PGGHG: variants seen among roughly 807,000 people sequenced by gnomAD.
PGGHG encodes ATH1, acid trehalase-like 1.
A neutral mutation model predicts 74.5 loss-of-function variants in PGGHG; 67 were observed. That is an observed-to-expected ratio of 0.90 (90% CI 0.74 to 1.10). PGGHG has a LOEUF of 1.10. Ranked by LOEUF, PGGHG falls within the 50% of genes least tolerant of loss-of-function variation. The probability of loss-of-function intolerance (pLI) is 0.00; values close to 1 mark genes in which losing one functional copy is unlikely to be tolerated. For synonymous variants in PGGHG, 496 were observed against 419.9 expected, an observed-to-expected ratio of 1.18 and a Z score of -2.21; for missense variants, 1,034 against 981.5, an observed-to-expected ratio of 1.05 and a Z score of -0.72.
At position 289,712 on chromosome 11, in the gene PGGHG, A is replaced by C. The variant is rs948652128; in HGVS notation, c.-13-92A>C. ...CCCAGCTGGTTCCGCAACTCCCCCC[A>C]GTTCTGAGGGAGGCTTCAGGGGATT... On this transcript the variant is annotated intron_variant, in intron 1 of 13. Coordinates refer to ENST00000409548, the MANE Select transcript of PGGHG (RefSeq NM_025092.5). This position sits in a 1 kb window ranked among gnomAD's most constrained non-coding sequence, Gnocchi z 5.6. The C allele has an allele frequency of 7.1e-7, 1 of 1,415,046 alleles. No homozygotes were observed. The allele number at this position is 1,415,046 out of a possible 1,614,324, so 87.7% of individuals were successfully genotyped here.
chr11:290,302 TG>T, intron 2 of PGGHG, 87 bp from the exon 3 acceptor site: 1 of 1,412,670 alleles, frequency 7.1e-7, no homozygotes, highest in South Asian at 1.3e-5. Context: ...CGCCTCATTG[TG>T]GGGAGAGGCA....
In PGGHG at chr11:290,844, G is replaced by C; in HGVS notation, c.637G>C (p.Ala213Pro). Residue 213 changes from alanine to proline, a missense_variant, in exon 4 of 14, where the codon GCC (alanine) becomes CCC (proline). Transcript: ENST00000409548. ...AVGGSQAEAQ[A>P]CLTEALQLQA... ...GGGCGGCAGCCAGGCTGAGGCTCAG[G>C]CCTGCCTCACTGAGGCCCTGCAGCT... 1 of 1,612,074 alleles carries C rather than the reference G, an allele frequency of 6.2e-7. No individual in the cohort carries two copies.
chr11:292,693 C>G lies in PGGHG; in HGVS notation c.1158+16C>G. On this transcript the variant is annotated intron_variant, in intron 6 of 13. Transcript: ENST00000409548. ...TACCACCCAGGTGAGGTGCTGCGTGCCCACCATTCCTGCAAGTGTGGCCAG... is the reference window on the plus strand; with the variant it reads ...TACCACCCAGGTGAGGTGCTGCGTGGCCACCATTCCTGCAAGTGTGGCCAG... 1 of 1,613,524 alleles carries G rather than the reference C, an allele frequency of 6.2e-7. No individual in the cohort carries two copies. The highest frequency in any genetic ancestry group is 8.5e-7 in the Non-Finnish European group (1 of 1,179,834).
At chr11:291,940 C>T (rs374284345) in intron 4 of PGGHG, 36 bp from the exon 5 acceptor site, 276 of 1,567,152 alleles carry the variant, frequency 1.8e-4, no homozygotes, top group Non-Finnish European at 2.3e-4. Flanking sequence ...GCAGTGACGG[C>T]CTGTCCGGCG....
In PGGHG at chr11:292,983, A is replaced by G. The variant is rs1433275444; in HGVS notation, c.1256A>G (p.Lys419Arg). Residue 419 changes from lysine (K) to arginine (R), a missense_variant, in exon 7 of 14, where the codon AAG becomes AGG. Lys to Arg is a conservative substitution (Grantham distance 26). Transcript: ENST00000409548. ...GTTGAGTGGAGCCCCAGGGAGGAAA[A>G]GTACCACCTGAGGGGTGAGGCCATG... ...SRVEWSPREE[K>R]YHLRGVMSPD... 2 of 1,610,194 alleles carry G rather than the reference A, an allele frequency of 1.2e-6. No homozygotes were observed. Among genetic ancestry groups the G allele is most frequent in the East Asian group, 4.5e-5 (2 of 44,866 alleles).
intron 4 of PGGHG, chr11:291,407 G>A (rs1845716583): frequency 7.5e-6 from 3 of 399,276 alleles, no homozygotes; most frequent in Non-Finnish European, 4.5e-6. Context: ...AGACAGTAGT[G>A]TGGCGCTTGG....
rs193253835 is a variant in PGGHG, at chr11:292,638, C to G, written c.1119C>G (p.Ala373=). 1.2e-6 allele frequency: 2 copies of G among 1,613,674 alleles called. No individual in the cohort carries two copies. Among genetic ancestry groups the G allele is most frequent in the Non-Finnish European group, 1.7e-6 (2 of 1,180,010 alleles). The part of the protein sequence containing the change: ...YGVQEVHVNG[A]VVLAFELYYH... ...TCCAGGAGGTCCACGTCAACGGGGC[C>G]GTGGTGTTGGCCTTCGAGCTGTACT... Residue 373 remains alanine (A), a synonymous_variant, in exon 6 of 14, where the codon GCC becomes GCG. Coordinates refer to ENST00000409548, the MANE Select transcript of PGGHG (RefSeq NM_025092.5).
In PGGHG at chr11:292,963, G is replaced by C; in HGVS notation, c.1236G>C (p.Glu412Asp). 6.2e-7 allele frequency: 1 copy of C among 1,613,914 alleles called. No homozygotes were observed. The highest frequency in any genetic ancestry group is 8.5e-7 in the Non-Finnish European group (1 of 1,179,940). ...CCGAGTTTTGGTGCAGTCGTGTTGA[G>C]TGGAGCCCCAGGGAGGAAAAGTACC... ...AVAEFWCSRV[E>D]WSPREEKYHL... Residue 412 changes from glutamate (E) to aspartate (D), a missense_variant, in exon 7 of 14, where the codon GAG becomes GAC. Transcript: ENST00000409548.
Position 293,603 on chromosome 11 carries a change from T to C in PGGHG, c.1490T>C (p.Val497Ala), listed in dbSNP as rs948489150. ...EFDGYEPGEV[V>A]KQADVVLLGY... ...CGGCACCTCCCTGTAGGAGAGGTGG[T>C]GAAGCAGGCAGACGTCGTGCTCCTG... The change falls in exon 10 of 14, where the codon GTG (valine) becomes GCG (alanine). Residue 497 changes from valine (V) to alanine (A), a missense_variant. Val to Ala is a moderately conservative substitution (Grantham distance 64, BLOSUM62 0). Coordinates refer to ENST00000409548, the MANE Select transcript of PGGHG (RefSeq NM_025092.5). The C allele has an allele frequency of 6.2e-7, 1 of 1,613,502 alleles. No individual in the cohort carries two copies. Among genetic ancestry groups the C allele is most frequent in the Non-Finnish European group, 8.5e-7 (1 of 1,179,964 alleles).
chr11:295,669 G>A lies in PGGHG; in HGVS notation c.*920G>A, dbSNP rs1845848583. The A allele has an allele frequency of 6.6e-6, 1 of 152,426 alleles. No homozygotes were observed. The highest frequency in any genetic ancestry group is 2.4e-5 in the African/African-American group (1 of 41,488). The allele number at this position is 152,426 out of a possible 1,614,324, so 9.4% of individuals were successfully genotyped here. On this transcript the variant is annotated 3_prime_UTR_variant, in exon 14 of 14. Coordinates refer to ENST00000409548, the MANE Select transcript of PGGHG (RefSeq NM_025092.5). ...TGAGGAATTAAAGCTTTGGTGCTGG[G>A]GAGAGCATTATTCCTCTGAGGAGCC...
chr11:292,776 C>T (rs1440328328), intron 6 of PGGHG, 99 bp downstream of exon 6: 1 of 1,606,516 alleles, frequency 6.2e-7, no homozygotes, highest in East Asian at 2.2e-5. Flanking sequence ...TCCTGGGAAG[C>T]TGGCTGAGGA....
rs1029181562 is a variant in PGGHG, at chr11:294,811, C to T, written c.*62C>T. On this transcript the variant is annotated 3_prime_UTR_variant, in exon 14 of 14. Coordinates refer to ENST00000409548, the MANE Select transcript of PGGHG (RefSeq NM_025092.5). ...TCCCTCTGGCCACGTCTGCACCCAC[C>T]CCTCCTGGGCACCCTCCTAGCCTGC... 2.1e-5 allele frequency: 31 copies of T among 1,492,564 alleles called. No homozygotes were observed. Among genetic ancestry groups the T allele is most frequent in the Non-Finnish European group, 2.7e-5 (30 of 1,108,650 alleles). The allele number at this position is 1,492,564 out of a possible 1,614,324, so 92.5% of individuals were successfully genotyped here.
rs1423636521 is a variant in PGGHG at position 292,054 on chromosome 11, C to T, written c.985C>T (p.Leu329=). The change falls in exon 5 of 14, where the codon CTG becomes TTG. Residue 329 remains leucine, a synonymous_variant. Coordinates refer to ENST00000409548, the MANE Select transcript of PGGHG (RefSeq NM_025092.5). ...RAILEYRIRT[L]DGALENAQNL... ...CATCCTGGAGTACCGCATCCGCACGCTGGACGGGGCCCTGGAGAACGCCCA... is the reference window on the plus strand; with the variant it reads ...CATCCTGGAGTACCGCATCCGCACGTTGGACGGGGCCCTGGAGAACGCCCA... The T allele has an allele frequency of 1.9e-6, 3 of 1,590,426 alleles. No individual in the cohort carries two copies. Among genetic ancestry groups the T allele is most frequent in the African/African-American group, 1.3e-5 (1 of 74,626 alleles).
Position 294,834 on chromosome 11 carries a change from T to C in PGGHG, c.*85T>C. 1 of 1,412,112 alleles carries C rather than the reference T, an allele frequency of 7.1e-7. No homozygotes were observed. The highest frequency in any genetic ancestry group is 9.5e-7 in the Non-Finnish European group (1 of 1,047,612). The allele number at this position is 1,412,112 out of a possible 1,614,324, so 87.5% of individuals were successfully genotyped here. On this transcript the variant is annotated 3_prime_UTR_variant, in exon 14 of 14. Coordinates refer to ENST00000409548, the MANE Select transcript of PGGHG (RefSeq NM_025092.5). ...ACCCCTCCTGGGCACCCTCCTAGCCTGCCATCCCTCACCTGCAGCCAGGCT... is the reference window on the plus strand; with the variant it reads ...ACCCCTCCTGGGCACCCTCCTAGCCCGCCATCCCTCACCTGCAGCCAGGCT...
At position 293,909 on chromosome 11, in the gene PGGHG, T is replaced by G. The variant is rs1246080975; in HGVS notation, c.1694T>G (p.Met565Arg). 1.2e-6 allele frequency: 2 copies of G among 1,612,762 alleles called. No individual in the cohort carries two copies. Among genetic ancestry groups the G allele is most frequent in the African/African-American group, 2.7e-5 (2 of 74,922 alleles). The change falls in exon 11 of 14, where the codon ATG becomes AGG. Residue 565 changes from methionine (M) to arginine (R), a missense_variant. Physicochemically the swap from Met to Arg is moderately conservative, Grantham distance 91 (BLOSUM62 -1). Coordinates refer to ENST00000409548, the MANE Select transcript of PGGHG (RefSeq NM_025092.5). ...RGLLDRSFAN[M>R]AEPFKVWTEN... Reference sequence around the variant, plus strand: ...CTCCTGGACAGGAGCTTTGCCAACATGGCTGAACCCTTCAAGGTCAGCCTG... The same window carrying G: ...CTCCTGGACAGGAGCTTTGCCAACAGGGCTGAACCCTTCAAGGTCAGCCTG...
At position 290,876 on chromosome 11, in the gene PGGHG, C is replaced by T; in HGVS notation, c.669C>T (p.Ala223=). 6.2e-7 allele frequency: 1 copy of T among 1,611,468 alleles called. No individual in the cohort carries two copies. Among genetic ancestry groups the T allele is most frequent in the Non-Finnish European group, 8.5e-7 (1 of 1,179,168 alleles). The change falls in exon 4 of 14, where the codon GCC becomes GCT. Residue 223 remains alanine (A), a synonymous_variant. Coordinates refer to ENST00000409548, the MANE Select transcript of PGGHG (RefSeq NM_025092.5). ...ACLTEALQLQ[A]RGALYTAHAQ... The stretch of plus-strand genomic sequence containing the variant: ...TCACTGAGGCCCTGCAGCTGCAGGC[C>T]AGGGGAGCTCTGTATACGGCTCACG...
chr11:291,170 G>A (rs1332786157), intron 4 of PGGHG, 57 bp downstream of exon 4: 1 of 1,497,250 alleles, frequency 6.7e-7, no homozygotes, highest in Admixed American at 2.2e-5. Context: ...GAGGTCCACG[G>A]TCTCTGCCCT....
In PGGHG at chr11:290,599, C is replaced by G. The variant is rs781584258; in HGVS notation, c.469C>G (p.Arg157Gly). 8 of 1,568,706 alleles carry G rather than the reference C, an allele frequency of 5.1e-6. No individual in the cohort carries two copies. Among genetic ancestry groups the G allele is most frequent in the South Asian group, 3.5e-5 (3 of 86,262 alleles). ...TCAGGGTCCTGACTTCCAGGGAGCC[C>G]GGTAAGGAGGGGGCTGGATTTGCAG... ...LHQGPDFQGA[R>G]YLYGHTLTPE... Residue 157 changes from arginine to glycine, a missense_variant and splice_region_variant, in exon 3 of 14, where the codon CGG becomes GGG. Physicochemically the swap from Arg to Gly is moderately radical, Grantham distance 125. Transcript: ENST00000409548.
rs1223465763 is a variant in PGGHG, at chr11:294,534, C to T, written c.2021-22C>T. 4.4e-6 allele frequency: 7 copies of T among 1,599,624 alleles called. No individual in the cohort carries two copies. The South Asian group carries it at 7.9e-5, about 18-fold the overall frequency. ...GCGACCCCAGGCTGCCCCTCACCCC[C>T]AGGCTGCCTCTCTCCCTGCAGGACA... On this transcript the variant is annotated intron_variant, in intron 13 of 13. Coordinates refer to ENST00000409548, the MANE Select transcript of PGGHG (RefSeq NM_025092.5).
Sources: gnomAD v4.1 joint callset for allele counts on GRCh38, gnomAD v4.1.1 for gene constraint, Gnocchi (gnomAD v3.1) non-coding constraint, MANE v1.5 for transcripts, NCBI Gene and HGNC (gene_info 2026-07-23, HGNC 2026-07-21) for gene names.